Variants in C12orf42 observed in about 807,000 individuals in gnomAD.
The protein encoded by C12orf42 is uncharacterized protein C12orf42.
Under a neutral mutation model 21.6 loss-of-function variants are expected in C12orf42, and 25 were observed. The ratio of observed to expected loss-of-function variants is 1.16; its 90% confidence interval spans 0.84 to 1.62. C12orf42 has a LOEUF of 1.62. C12orf42 is among the 40% of genes most tolerant of loss of function. C12orf42 has a pLI of 0.00. For missense variants in C12orf42, 483 were observed against 459.3 expected (o/e 1.05, Z -0.47); for synonymous variants, 174 against 175.0 (o/e 0.99, Z 0.05).
At chr12:103,382,467 T>G (rs1329696979) in intron 3 of C12orf42, among the ~76,000 whole-genome samples, 1 of 152,172 alleles carries the variant, frequency 6.6e-6, no homozygotes, top group Non-Finnish European at 1.5e-5. Flanking sequence ...AGATGAGCAG[T>G]GTATTTCCTG....
At chr12:103,519,645 A>G in the C12orf42 span, among the ~76,000 whole-genome samples, 2 of 152,192 alleles carry the variant, frequency 1.3e-5, no homozygotes, top group Non-Finnish European at 2.9e-5. Flanking sequence ...AGAAAAAAAC[A>G]TAAGAACATG....
chr12:103,066,471 A>G, the C12orf42 span, among the ~76,000 whole-genome samples: 1 of 152,218 alleles, frequency 6.6e-6, no homozygotes, highest in East Asian at 1.9e-4. Flanking sequence ...AGAAAAGACT[A>G]GGGCCTGGTT....
At chr12:103,209,406 A>G in the C12orf42 span, among the ~76,000 whole-genome samples, 5 of 152,238 alleles carry the variant, frequency 3.3e-5, no homozygotes, top group Admixed American at 1.3e-4. Flanking sequence ...GGTGTTTAAA[A>G]TATACACAAT....
At chr12:103,503,016 A>G in the C12orf42 span, among the ~76,000 whole-genome samples, 3 of 152,238 alleles carry the variant, frequency 2.0e-5, no homozygotes, top group Admixed American at 1.3e-4. Flanking sequence ...TGAAACCTCA[A>G]TCAACAAAAT....
intron 4 of C12orf42, among the ~76,000 whole-genome samples, chr12:103,288,372 G>A (rs1158671160): frequency 6.6e-6 from 1 of 152,124 alleles, no homozygotes; most frequent in South Asian, 2.1e-4. Context: ...AAATCTAGGA[G>A]GTGTTGGTAA....
the C12orf42 span, among the ~76,000 whole-genome samples, chr12:103,089,051 G>C: frequency 1.5e-5 from 2 of 132,230 alleles, no homozygotes; most frequent in African/African-American, 5.8e-5. Flanking sequence ...GCAGTGAGCT[G>C]AGATCGCGCC....
intron 4 of C12orf42, among the ~76,000 whole-genome samples, chr12:103,362,567 A>C (rs1023870947): frequency 5.3e-5 from 8 of 152,130 alleles, no homozygotes; most frequent in Non-Finnish European, 1.2e-4. Context: ...CACCAGAAAA[A>C]GGTGAAGTCC....
chr12:103,281,969 G>A (rs1160337019), intron 4 of C12orf42, among the ~76,000 whole-genome samples: 8 of 132,780 alleles, frequency 6.0e-5, no homozygotes, highest in Non-Finnish European at 1.2e-4. Flanking sequence ...GAAAGAGATC[G>A]ATCCTAAAAT....
At chr12:103,339,130 A>G (rs2041961619) in intron 4 of C12orf42, among the ~76,000 whole-genome samples, 1 of 152,224 alleles carries the variant, frequency 6.6e-6, no homozygotes, top group African/African-American at 2.4e-5. Context: ...CAAGACATAA[A>G]TATTATTTGC....
intron 4 of C12orf42, among the ~76,000 whole-genome samples, chr12:103,289,593 A>G (rs896348053): frequency 3.3e-5 from 5 of 152,208 alleles, no homozygotes; most frequent in Admixed American, 2.0e-4. Flanking sequence ...GTTCCAAAAT[A>G]GCAAATTGGC....
intron 10 of C12orf42, among the ~76,000 whole-genome samples, chr12:103,261,130 G>C (rs533415891): frequency 1.9e-4 from 29 of 152,134 alleles, no homozygotes; most frequent in South Asian, 1.2e-3. Flanking sequence ...AACACCCTAA[G>C]AGCAATTGGT....
At chr12:103,210,905 C>T in the C12orf42 span, among the ~76,000 whole-genome samples, 232 of 152,020 alleles carry the variant, frequency 1.5e-3, 1 homozygote, top group Middle Eastern at 6.8e-3. Flanking sequence ...GCAGGAGGAT[C>T]GCTTGAGCCC....
At chr12:103,137,984 A>G in the C12orf42 span, among the ~76,000 whole-genome samples, 13 of 152,292 alleles carry the variant, frequency 8.5e-5, no homozygotes, top group East Asian at 2.3e-3. Context: ...AGTTAACAAC[A>G]ATGTATTGTA....
the C12orf42 span, among the ~76,000 whole-genome samples, chr12:103,537,627 A>T: frequency 2.0e-5 from 3 of 152,218 alleles, no homozygotes; most frequent in Admixed American, 2.0e-4. Flanking sequence ...CCATCTTGGA[A>T]GTCAAAGCTA....
At chr12:103,142,683 C>T in the C12orf42 span, among the ~76,000 whole-genome samples, 1 of 152,182 alleles carries the variant, frequency 6.6e-6, no homozygotes, top group South Asian at 2.1e-4. Flanking sequence ...AAAGGAAATG[C>T]AGGGGGATAG....
chr12:103,488,417 C>T lies in C12orf42; in HGVS notation c.-22+7485G>A, dbSNP rs1004391781. ...TTCATTTCAACCTTGGTGAATCTGA[C>T]AATTGTGTGTCTTGGGGTTGCTCTT... On this transcript the variant is annotated intron_variant, in intron 1 of 5. Coordinates refer to ENST00000548883, the MANE Select transcript of C12orf42 (RefSeq NM_198521.5). Among the ~76,000 whole-genome samples, 5 of 152,136 alleles carry T rather than the reference C, an allele frequency of 3.3e-5. No homozygotes were observed. The South Asian group carries it at 8.3e-4, about 25-fold the overall frequency.
At chr12:103,379,952 T>C (rs1410879111) in intron 3 of C12orf42, among the ~76,000 whole-genome samples, 2 of 152,194 alleles carry the variant, frequency 1.3e-5, no homozygotes, top group African/African-American at 4.8e-5. Context: ...AGCCAAGCGA[T>C]AATGCAGCTT....
chr12:103,319,618 T>C (rs767511833), intron 4 of C12orf42, among the ~76,000 whole-genome samples: 2 of 152,252 alleles, frequency 1.3e-5, no homozygotes, highest in Non-Finnish European at 2.9e-5. Context: ...ATTAGGTTTG[T>C]AAGTATTGTT....
chr12:103,452,839 A>G (rs1406647142), intron 2 of C12orf42, among the ~76,000 whole-genome samples: 3 of 151,934 alleles, frequency 2.0e-5, no homozygotes, highest in Non-Finnish European at 4.4e-5. Context: ...GAACACTTGG[A>G]CACAGGAAGA....
Sources: allele counts gnomAD v4.1 joint callset (sites outside exome capture counted in the v4.1 genomes callset), GRCh38; gene constraint gnomAD v4.1.1; transcripts MANE v1.5; gene names NCBI Gene and HGNC (gene_info 2026-07-23, HGNC 2026-07-21).